NAF1: variants seen among roughly 807,000 people sequenced by gnomAD.
NAF1 encodes the protein H/ACA ribonucleoprotein complex non-core subunit NAF1.
NAF1 carries 11 observed loss-of-function variants against 40.6 expected under a neutral mutation model. The observed-to-expected ratio is 0.27, with a 90% confidence interval of 0.17 to 0.45. The LOEUF (loss-of-function observed/expected upper bound fraction) is 0.45. Among genes scored for constraint, NAF1 ranks in the 20% least tolerant of loss-of-function variants. The pLI, the probability that NAF1 is intolerant of heterozygous loss-of-function variation, is 1.00. For synonymous variants in NAF1, 260 were observed against 228.5 expected (o/e 1.14, Z -1.24); for missense variants, 607 against 611.1 (o/e 0.99, Z 0.07).
intron 4 of NAF1, chr4:163,141,917 G>T: frequency 2.0e-6 from 2 of 976,924 alleles, no homozygotes; most frequent in East Asian, 1.1e-4. Context: ...TCATTAAGGC[G>T]TAAAACAGCT....
At chr4:163,141,013 A>C (rs1254160106) in intron 4 of NAF1, among the ~76,000 whole-genome samples, 1 of 152,246 alleles carries the variant, frequency 6.6e-6, no homozygotes. Flanking sequence ...TTTAAGAATA[A>C]TGAAAGGAAA....
intron 1 of NAF1, among the ~76,000 whole-genome samples, chr4:163,165,156 T>G (rs957882341): frequency 3.9e-5 from 6 of 152,168 alleles, no homozygotes; most frequent in African/African-American, 1.2e-4. Flanking sequence ...TGGCCACCTT[T>G]GTACGAATGG....
At chr4:163,133,286 T>C (rs1730938421) in intron 6 of NAF1, 30 bp from the exon 7 acceptor site, 1 of 1,573,578 alleles carries the variant, frequency 6.4e-7, no homozygotes, top group African/African-American at 1.4e-5. Flanking sequence ...AATAGGTTTA[T>C]GTTACATGAA....
At chr4:163,115,771 C>T (rs538316877) in intron 2 of NAF1, among the ~76,000 whole-genome samples, 45 of 152,190 alleles carry the variant, frequency 3.0e-4, no homozygotes, top group Middle Eastern at 6.8e-3. Context: ...TTCAATATGA[C>T]CACTGACCAG....
chr4:163,108,243 T>C (rs1023837628), downstream of NAF1, among the ~76,000 whole-genome samples: 1 of 152,166 alleles, frequency 6.6e-6, no homozygotes, highest in Non-Finnish European at 1.5e-5. Context: ...TAATTGCTTA[T>C]AGGCAGGGAA....
intron 2 of NAF1, among the ~76,000 whole-genome samples, chr4:163,156,693 C>A (rs971423338): frequency 6.6e-6 from 1 of 152,028 alleles, no homozygotes; most frequent in African/African-American, 2.4e-5. Context: ...TTATTTCTGG[C>A]CATTAACACA....
intron 4 of NAF1, among the ~76,000 whole-genome samples, chr4:163,145,449 G>T (rs1421781581): frequency 1.3e-5 from 2 of 152,202 alleles, no homozygotes; most frequent in African/African-American, 4.8e-5. Context: ...ACTATGGGAA[G>T]TCTTCTTCAC....
chr4:163,151,345 T>A (rs1356572770), intron 2 of NAF1, among the ~76,000 whole-genome samples: 1 of 149,820 alleles, frequency 6.7e-6, no homozygotes, highest in Non-Finnish European at 1.5e-5. Context: ...AAATTCACTA[T>A]TGTTTTCTTT....
At position 163,164,396 on chromosome 4, in the gene NAF1, A is replaced by G. The variant is rs765444497; in HGVS notation, c.366-5T>C. ...GAACTATCTGAATCTGTTTCACTGT[A>G]GGGAAGAAAACAGTTAAAAAAATAG... On this transcript the variant is annotated splice_polypyrimidine_tract_variant and splice_region_variant and intron_variant, in intron 1 of 7. Coordinates refer to ENST00000274054, the MANE Select transcript of NAF1 (RefSeq NM_138386.3). 6.5e-7 allele frequency: 1 copy of G among 1,534,116 alleles called. No homozygotes were observed.
At chr4:163,119,054 A>T (rs1730438776) in intron 2 of NAF1, among the ~76,000 whole-genome samples, 1 of 152,196 alleles carries the variant, frequency 6.6e-6, no homozygotes, top group East Asian at 1.9e-4. Flanking sequence ...AAATGGAGAG[A>T]CACCTTAGCC....
At chr4:163,139,126 T>G (rs1731161120) in intron 5 of NAF1, among the ~76,000 whole-genome samples, 1 of 152,142 alleles carries the variant, frequency 6.6e-6, no homozygotes, top group African/African-American at 2.4e-5. Context: ...GACTTGAGAC[T>G]TGATTTAACA....
chr4:163,145,929 C>CT (rs1731447784), intron 3 of NAF1, 65 bp from the exon 4 acceptor site: 4 of 864,952 alleles, frequency 4.6e-6, no homozygotes, highest in Non-Finnish European at 7.1e-6. Context: ...TAATGAAAAT[C>CT]TAAGCTTTAA....
intron 5 of NAF1, among the ~76,000 whole-genome samples, chr4:163,137,781 G>A (rs1731115466): frequency 6.6e-6 from 1 of 152,142 alleles, no homozygotes; most frequent in Admixed American, 6.5e-5. Context: ...TCTCAAAGCA[G>A]TGAGGGTCAA....
chr4:163,159,721 A>C (rs566863173), intron 2 of NAF1, among the ~76,000 whole-genome samples: 1 of 152,154 alleles, frequency 6.6e-6, no homozygotes, highest in Admixed American at 6.5e-5. Flanking sequence ...TTTATAAAAT[A>C]AGCAGTCACC....
At chr4:163,108,134 A>G (rs748423469), downstream of NAF1, among the ~76,000 whole-genome samples, 21 of 152,340 alleles carry the variant, frequency 1.4e-4, no homozygotes, top group Non-Finnish European at 2.9e-4. Flanking sequence ...AAGTAAGGAA[A>G]TAACTTATTT....
At chr4:163,159,560 C>A (rs1732135323) in intron 2 of NAF1, among the ~76,000 whole-genome samples, 1 of 152,074 alleles carries the variant, frequency 6.6e-6, no homozygotes, top group Non-Finnish European at 1.5e-5. Context: ...GATGGGAGAT[C>A]AAACAGGCAT....
chr4:163,148,332 T>A lies in NAF1; in HGVS notation c.634+9A>T. 1 of 1,496,708 alleles carries A rather than the reference T, an allele frequency of 6.7e-7. No individual in the cohort carries two copies. Among genetic ancestry groups the A allele is most frequent in the Non-Finnish European group, 9.0e-7 (1 of 1,114,932 alleles). 92.7% of individuals were successfully genotyped at this position (1,496,708 alleles called of 1,614,324 possible). A position where few individuals can be genotyped will look rare whatever the true frequency, so the allele number is the denominator to read the frequency against. ...GAAACAATTTTTATTAATAGAATTC[T>A]TAACATACCTAGTTGTTCAATAATA... On this transcript the variant is annotated intron_variant, in intron 3 of 7. Transcript: ENST00000274054.
intron 4 of NAF1, among the ~76,000 whole-genome samples, chr4:163,145,527 T>C (rs1016146822): frequency 3.3e-5 from 5 of 152,200 alleles, no homozygotes; most frequent in Non-Finnish European, 7.3e-5. Context: ...CCTAGCAAGT[T>C]ATCTGACAAA....
intron 5 of NAF1, 141 bp from the exon 6 acceptor site, chr4:163,137,391 C>T (rs544322367): frequency 1.2e-6 from 1 of 817,554 alleles, no homozygotes; most frequent in Non-Finnish European, 1.8e-6. Flanking sequence ...TGTCTTTTAC[C>T]TTATTTCAAA....
Sources: allele counts gnomAD v4.1 joint callset (sites outside exome capture counted in the v4.1 genomes callset), GRCh38; gene constraint gnomAD v4.1.1; transcripts MANE v1.5; gene names NCBI Gene and HGNC (gene_info 2026-07-23, HGNC 2026-07-21).